The following TECRL variants were observed in gnomAD, a reference collection of about 807,000 sequenced individuals.
The protein encoded by TECRL is trans-2,3-enoyl-CoA reductase like, also known as trans-2,3-enoyl-CoA reductase-like.
In TECRL, 63 loss-of-function variants were observed where a neutral mutation model predicts 52.8. The observed-to-expected ratio is 1.19, with a 90% confidence interval of 0.97 to 1.47. The LOEUF is 1.47. TECRL is among the 40% of genes most tolerant of loss of function. The pLI, the probability that TECRL is intolerant of heterozygous loss-of-function variation, is 0.00. For synonymous variants in TECRL, 164 were observed against 141.9 expected (o/e 1.16, Z -1.10); for missense variants, 482 against 429.6 (o/e 1.12, Z -1.08).
At chr4:64,388,250 G>A (rs1356398918) in intron 1 of TECRL, among the ~76,000 whole-genome samples, 4 of 123,102 alleles carry the variant, frequency 3.2e-5, no homozygotes, top group Non-Finnish European at 6.6e-5. Context: ...TGGATGTCTA[G>A]TTGCTCCAGC....
At chr4:64,301,769 T>C (rs1037519141) in intron 7 of TECRL, among the ~76,000 whole-genome samples, 1 of 151,064 alleles carries the variant, frequency 6.6e-6, no homozygotes, top group Non-Finnish European at 1.5e-5. Flanking sequence ...TTAGGCAGAG[T>C]ACAGTAAACA....
At chr4:64,312,664 G>A (rs1474687084) in intron 5 of TECRL, among the ~76,000 whole-genome samples, 1 of 151,754 alleles carries the variant, frequency 6.6e-6, no homozygotes, top group Non-Finnish European at 1.5e-5. Context: ...TACTTAGGGG[G>A]CTGAGGTGGT....
At chr4:64,314,846 G>T in intron 4 of TECRL, 83 bp from the exon 5 acceptor site, 2 of 939,696 alleles carry the variant, frequency 2.1e-6, no homozygotes, top group Non-Finnish European at 3.3e-6. Flanking sequence ...TTAGCCTACT[G>T]CATAAATTGG....
intron 6 of TECRL, among the ~76,000 whole-genome samples, chr4:64,306,703 G>A (rs1338368469): frequency 6.6e-6 from 1 of 152,146 alleles, no homozygotes; most frequent in East Asian, 1.9e-4. Context: ...TGTAAAGGAG[G>A]CTATTTCTCC....
chr4:64,302,589 A>T (rs978120339), intron 7 of TECRL, among the ~76,000 whole-genome samples: 1 of 97,272 alleles, frequency 1.0e-5, no homozygotes, highest in African/African-American at 2.7e-5. Context: ...AAGTCCAGTA[A>T]CTTTTTTTTC....
intron 2 of TECRL, among the ~76,000 whole-genome samples, chr4:64,345,656 T>A (rs1381837850): frequency 7.9e-5 from 12 of 151,582 alleles, no homozygotes; most frequent in African/African-American, 2.2e-4. Flanking sequence ...CATATGTAAC[T>A]AACCTGCATG....
intron 2 of TECRL, among the ~76,000 whole-genome samples, chr4:64,333,904 G>A (rs1379173494): frequency 1.4e-5 from 2 of 141,002 alleles, no homozygotes; most frequent in African/African-American, 5.6e-5. Context: ...GGCGCCTGTA[G>A]TCCCAGCTAC....
chr4:64,329,592 C>T (rs138759451), intron 2 of TECRL, among the ~76,000 whole-genome samples: 5 of 151,674 alleles, frequency 3.3e-5, no homozygotes, highest in African/African-American at 4.8e-5. Flanking sequence ...CATACACTGA[C>T]GTAAATTTAA....
At chr4:64,340,131 A>T (rs796521106) in intron 2 of TECRL, among the ~76,000 whole-genome samples, 9 of 152,276 alleles carry the variant, frequency 5.9e-5, no homozygotes, top group African/African-American at 2.2e-4. Context: ...TGCAGTAGGG[A>T]GGTGAAGCCA....
intron 4 of TECRL, among the ~76,000 whole-genome samples, chr4:64,315,142 T>C (rs2110013353): frequency 6.6e-6 from 1 of 152,186 alleles, no homozygotes; most frequent in Middle Eastern, 3.4e-3. Flanking sequence ...CTAGAGTATC[T>C]TTTTTCTTTT....
chr4:64,290,507 A>C (rs1316458312), intron 8 of TECRL, among the ~76,000 whole-genome samples: 1 of 152,142 alleles, frequency 6.6e-6, no homozygotes, highest in Non-Finnish European at 1.5e-5. Context: ...CAAAATTGTT[A>C]TTGTTTGAAG....
intron 9 of TECRL, among the ~76,000 whole-genome samples, chr4:64,289,495 T>C (rs1313217904): frequency 1.3e-5 from 2 of 152,236 alleles, no homozygotes; most frequent in African/African-American, 4.8e-5. Context: ...GGGAGGGTGA[T>C]AGCGTGCATG....
At chr4:64,334,544 CCAAT>C (rs1431280717) in intron 2 of TECRL, among the ~76,000 whole-genome samples, 3 of 152,088 alleles carry the variant, frequency 2.0e-5, no homozygotes, top group African/African-American at 7.3e-5. Context: ...GAAACCAGCA[CCAAT>C]CAATGTCTAT....
At chr4:64,346,254 A>G (rs1041512655) in intron 2 of TECRL, among the ~76,000 whole-genome samples, 1 of 152,204 alleles carries the variant, frequency 6.6e-6, no homozygotes, top group African/African-American at 2.4e-5. Context: ...TGGATCTACC[A>G]TTCTGGGATC....
In TECRL at chr4:64,375,169, T is replaced by G. The variant is rs377115761; in HGVS notation, c.286+3A>C. 2.2e-6 allele frequency: 3 copies of G among 1,355,522 alleles called. No homozygotes were observed. In the East Asian group the frequency reaches 8.7e-5, roughly 39 times the overall value. 84.0% of individuals were successfully genotyped at this position (1,355,522 alleles called of 1,614,324 possible). A position where few individuals can be genotyped will look rare whatever the true frequency, so the allele number is the denominator to read the frequency against. ...TAAATTCTAAATAATATATAAAACTTACATGCTTTGTGAAACTTTTGCTTA... is the reference window on the plus strand; with the variant it reads ...TAAATTCTAAATAATATATAAAACTGACATGCTTTGTGAAACTTTTGCTTA... On this transcript the variant is annotated splice_donor_region_variant and intron_variant, in intron 2 of 11. Coordinates refer to ENST00000381210, the MANE Select transcript of TECRL (RefSeq NM_001010874.5).
intron 1 of TECRL, among the ~76,000 whole-genome samples, chr4:64,385,997 C>G (rs1290526460): frequency 6.6e-6 from 1 of 152,158 alleles, no homozygotes; most frequent in African/African-American, 2.4e-5. Flanking sequence ...CTCCTAGATG[C>G]CCTATCCAAC....
chr4:64,395,175 C>T (rs1389399656), intron 1 of TECRL, among the ~76,000 whole-genome samples: 1 of 151,932 alleles, frequency 6.6e-6, no homozygotes, highest in Non-Finnish European at 1.5e-5. Flanking sequence ...CTGTCTCAGC[C>T]CCCCAAATTG....
In TECRL at chr4:64,388,295, T is replaced by C. The variant is rs181000700; in HGVS notation, c.235-13072A>G. Among the ~76,000 whole-genome samples the C allele has an allele frequency of 6.0e-5, 9 of 150,124 alleles. No homozygotes were observed. The East Asian group carries it at 1.8e-3, about 30-fold the overall frequency. On this transcript the variant is annotated intron_variant, in intron 1 of 11. Coordinates refer to ENST00000381210, the MANE Select transcript of TECRL (RefSeq NM_001010874.5). Reference sequence around the variant, plus strand: ...TGAAAAGACTATATTTTCTACATTATGTTGCCTTTGTTCCTTTGTCAAAGA... The same window carrying C: ...TGAAAAGACTATATTTTCTACATTACGTTGCCTTTGTTCCTTTGTCAAAGA...
intron 1 of TECRL, among the ~76,000 whole-genome samples, chr4:64,377,130 C>A (rs1007338989): frequency 4.6e-5 from 7 of 151,994 alleles, no homozygotes; most frequent in African/African-American, 1.7e-4. Flanking sequence ...GTATTATACA[C>A]TCTTAACATT....
Sources: gnomAD v4.1 joint callset for allele counts (sites outside exome capture counted in the v4.1 genomes callset) on GRCh38, gnomAD v4.1.1 for gene constraint, MANE v1.5 for transcripts, NCBI Gene and HGNC (gene_info 2026-07-23, HGNC 2026-07-21) for gene names.